Variants in WWOX observed in about 807,000 individuals in gnomAD.
WWOX encodes the protein WW domain-containing oxidoreductase.
In WWOX, 69 loss-of-function variants were observed where a neutral mutation model predicts 46.2. The ratio of observed to expected loss-of-function variants is 1.49; its 90% CI spans 1.23 to 1.82. The LOEUF is 1.82. Ranked by LOEUF, WWOX falls within the 40% of genes most tolerant of loss-of-function variation. The pLI is 0.00. For missense variants in WWOX, 919 were observed against 542.6 expected (o/e 1.69, Z -6.89); for synonymous variants, 359 against 202.6 (o/e 1.77, Z -6.56).
chr16:78,838,803 C>T (rs888631849), intron 8 of WWOX, among the ~76,000 whole-genome samples: 5 of 151,974 alleles, frequency 3.3e-5, no homozygotes, highest in African/African-American at 1.2e-4. Context: ...AGATCGTGCC[C>T]CTGTACTCCA....
At chr16:78,935,433 G>A (rs2045715793) in intron 8 of WWOX, among the ~76,000 whole-genome samples, 1 of 152,066 alleles carries the variant, frequency 6.6e-6, no homozygotes, top group African/African-American at 2.4e-5. Flanking sequence ...CATAAAAAAA[G>A]GATGAGTTCA....
At chr16:78,307,242 C>G (rs1251364768) in intron 5 of WWOX, among the ~76,000 whole-genome samples, 2 of 152,154 alleles carry the variant, frequency 1.3e-5, no homozygotes, top group Non-Finnish European at 2.9e-5. Flanking sequence ...AGCACAATGC[C>G]AAGTGTCAAA....
At chr16:79,166,788 T>C (rs999224187) in intron 8 of WWOX, among the ~76,000 whole-genome samples, 3 of 152,218 alleles carry the variant, frequency 2.0e-5, no homozygotes, top group Non-Finnish European at 1.5e-5. Context: ...TTCTTTAGTA[T>C]ATATCTTGTT....
intron 8 of WWOX, among the ~76,000 whole-genome samples, chr16:78,634,276 A>T (rs997623528): frequency 1.3e-5 from 2 of 152,196 alleles, no homozygotes; most frequent in Non-Finnish European, 2.9e-5. Context: ...TCTCATTATA[A>T]ATGGATGCTG....
intron 8 of WWOX, among the ~76,000 whole-genome samples, chr16:78,765,273 G>T (rs1292450904): frequency 6.6e-6 from 1 of 152,258 alleles, no homozygotes. Flanking sequence ...GAAGAGCCCA[G>T]TAGAGGATGG....
chr16:79,070,416 T>C (rs1017299957), intron 8 of WWOX, among the ~76,000 whole-genome samples: 1 of 152,112 alleles, frequency 6.6e-6, no homozygotes, highest in Admixed American at 6.5e-5. Context: ...TCTTTGGAAA[T>C]GACGTATCAG....
At chr16:78,209,654 A>G (rs2036497776) in intron 5 of WWOX, among the ~76,000 whole-genome samples, 1 of 151,968 alleles carries the variant, frequency 6.6e-6, no homozygotes, top group Non-Finnish European at 1.5e-5. Context: ...GTCAATTGGG[A>G]GTACCTTTTG....
At chr16:78,539,828 C>G (rs1597234399) in intron 8 of WWOX, among the ~76,000 whole-genome samples, 1 of 152,152 alleles carries the variant, frequency 6.6e-6, no homozygotes, top group Non-Finnish European at 1.5e-5. Flanking sequence ...GGAATGCGTT[C>G]ATTTTCTTTA....
At chr16:79,207,452 C>A (rs766264573) in intron 8 of WWOX, among the ~76,000 whole-genome samples, 1 of 152,230 alleles carries the variant, frequency 6.6e-6, no homozygotes, top group Non-Finnish European at 1.5e-5. Flanking sequence ...GTGTTCCAAG[C>A]CTAATCTAAC....
chr16:78,764,981 C>G (rs952258415), intron 8 of WWOX, among the ~76,000 whole-genome samples: 23 of 152,112 alleles, frequency 1.5e-4, no homozygotes, highest in African/African-American at 5.3e-4. Context: ...TTTCAGAAAA[C>G]TTAAGATATG....
chr16:78,735,155 C>G (rs1171244032), intron 8 of WWOX, among the ~76,000 whole-genome samples: 6 of 151,900 alleles, frequency 3.9e-5, no homozygotes. Flanking sequence ...GGGTGAGCCA[C>G]CACGTCTGGC....
intron 8 of WWOX, among the ~76,000 whole-genome samples, chr16:78,498,153 C>A (rs995835436): frequency 1.4e-5 from 2 of 139,332 alleles, no homozygotes; most frequent in African/African-American, 2.6e-5. Flanking sequence ...TGCAGTGAGC[C>A]GAGATTGTGC....
At chr16:79,030,668 G>C (rs549754228) in intron 8 of WWOX, among the ~76,000 whole-genome samples, 1 of 152,258 alleles carries the variant, frequency 6.6e-6, no homozygotes, top group East Asian at 1.9e-4. Context: ...TCATGCACTT[G>C]GGTCTTGAAA....
chr16:78,905,563 T>C (rs560627048), intron 8 of WWOX, among the ~76,000 whole-genome samples: 32 of 152,130 alleles, frequency 2.1e-4, no homozygotes, highest in Admixed American at 3.3e-4. Context: ...TTATTTTTTG[T>C]AGAAATGGGG....
chr16:79,010,469 A>G (rs1456957996), intron 8 of WWOX, among the ~76,000 whole-genome samples: 1 of 152,192 alleles, frequency 6.6e-6, no homozygotes, highest in Non-Finnish European at 1.5e-5. Context: ...ACCAATCCAC[A>G]GGTGATGGCG....
chr16:79,189,053 GA>G (rs559796991), intron 8 of WWOX, among the ~76,000 whole-genome samples: 30 of 151,596 alleles, frequency 2.0e-4, no homozygotes, highest in African/African-American at 6.3e-4. Flanking sequence ...AAAAAGAAAA[GA>G]AAAAAAATAC....
At chr16:78,373,166 A>C (rs11150069) in intron 5 of WWOX, among the ~76,000 whole-genome samples, 98,819 of 151,952 alleles carry the variant, frequency 0.65, 33,584 homozygotes, top group Middle Eastern at 0.73. Flanking sequence ...GCACACAATG[A>C]CATTTTAGCT....
chr16:78,564,757 A>T (rs899259989), intron 8 of WWOX, among the ~76,000 whole-genome samples: 2 of 151,990 alleles, frequency 1.3e-5, no homozygotes, highest in African/African-American at 4.8e-5. Context: ...AACTAATTTC[A>T]CCTATTTCCT....
intron 8 of WWOX, among the ~76,000 whole-genome samples, chr16:78,946,300 C>T (rs2045947090): frequency 6.6e-6 from 1 of 152,110 alleles, no homozygotes; most frequent in Non-Finnish European, 1.5e-5. Context: ...AGTGATTCTC[C>T]TGTCTCAGTC....
Sources: allele counts gnomAD v4.1 joint callset (sites outside exome capture counted in the v4.1 genomes callset), GRCh38; gene constraint gnomAD v4.1.1; transcripts MANE v1.5; gene names NCBI Gene and HGNC (gene_info 2026-07-23, HGNC 2026-07-21).